SRGAP1: variants seen among roughly 807,000 people sequenced by gnomAD.
SRGAP1 encodes the protein SLIT-ROBO Rho GTPase activating protein 1, also known as SLIT-ROBO Rho GTPase-activating protein 1.
In SRGAP1, 43 loss-of-function variants were observed where a neutral mutation model predicts 121.9. The observed-to-expected ratio is 0.35, with a 90% confidence interval of 0.28 to 0.46. The LOEUF (loss-of-function observed/expected upper bound fraction) is 0.46, where lower values mean the gene tolerates loss of function less well. SRGAP1 is among the 20% of genes least tolerant of loss of function. The probability of loss-of-function intolerance (pLI) is 1.00; values close to 1 mark genes in which losing one functional copy is unlikely to be tolerated. For missense variants in SRGAP1, 1,102 were observed against 1,350.9 expected, an observed-to-expected ratio of 0.82 and a Z score of 2.89; for synonymous variants, 447 against 485.4, an observed-to-expected ratio of 0.92 and a Z score of 1.04.
intron 6 of SRGAP1, among the ~76,000 whole-genome samples, chr12:64,055,989 T>C (rs143875369): frequency 1.3e-5 from 2 of 152,310 alleles, no homozygotes; most frequent in East Asian, 3.9e-4. Flanking sequence ...ACAGGCATCT[T>C]GAACATGTAA....
intron 1 of SRGAP1, among the ~76,000 whole-genome samples, chr12:63,911,640 A>G (rs573520465): frequency 2.6e-4 from 39 of 152,342 alleles, no homozygotes; most frequent in Non-Finnish European, 4.4e-4. Flanking sequence ...CACGTTGCTA[A>G]TTCTGTAGTT....
intron 1 of SRGAP1, among the ~76,000 whole-genome samples, chr12:63,920,952 T>C (rs2031017342): frequency 6.6e-6 from 1 of 152,194 alleles, no homozygotes; most frequent in Non-Finnish European, 1.5e-5. Context: ...ACTTGACATG[T>C]CATCTGTTGA....
At chr12:63,923,113 TAAACTA>T (rs2031128347) in intron 1 of SRGAP1, among the ~76,000 whole-genome samples, 1 of 152,192 alleles carries the variant, frequency 6.6e-6, no homozygotes, top group Non-Finnish European at 1.5e-5. Flanking sequence ...GACCAATCCA[TAAACTA>T]AAATGCTAAT....
At chr12:63,859,316 T>C (rs67993208) in intron 1 of SRGAP1, among the ~76,000 whole-genome samples, 42,969 of 151,792 alleles carry the variant, frequency 0.28, 7,007 homozygotes, top group East Asian at 0.55. Flanking sequence ...TGCACCACCA[T>C]GCCTGGCTCC....
chr12:64,053,677 G>A (rs981281118), intron 6 of SRGAP1, among the ~76,000 whole-genome samples: 2 of 152,096 alleles, frequency 1.3e-5, no homozygotes, highest in African/African-American at 4.8e-5. Context: ...GAGAATAAAG[G>A]TATCATTGTA....
intron 4 of SRGAP1, among the ~76,000 whole-genome samples, chr12:64,028,091 G>A (rs1250207939): frequency 1.3e-5 from 2 of 152,182 alleles, no homozygotes; most frequent in Admixed American, 1.3e-4. Flanking sequence ...AATTTGGTGG[G>A]CTTTCATTAT....
chr12:63,864,221 T>C (rs1218084559), intron 1 of SRGAP1, among the ~76,000 whole-genome samples: 1 of 152,166 alleles, frequency 6.6e-6, no homozygotes, highest in Non-Finnish European at 1.5e-5. Flanking sequence ...TTCCAAGATT[T>C]CCTCCAGCAA....
rs1287367274 is a variant in SRGAP1, at chr12:63,953,185, T to G, written c.68-30762T>G. 2.0e-5 allele frequency among the ~76,000 whole-genome samples: 3 copies of G among 152,264 alleles called. No individual in the cohort carries two copies. The East Asian group carries it at 5.8e-4, about 29-fold the overall frequency. On this transcript the variant is annotated intron_variant, in intron 1 of 21. Transcript: ENST00000355086. ...CAGTGGCTTATTGTTAAGTGGCTGC[T>G]GATAGTGTGATAAGACAGTACTGGA...
intron 6 of SRGAP1, among the ~76,000 whole-genome samples, chr12:64,055,719 CTT>C (rs2035327570): frequency 6.6e-6 from 1 of 152,134 alleles, no homozygotes. Flanking sequence ...TTCCAGGAGT[CTT>C]TGCTTAAAGG....
intron 21 of SRGAP1, among the ~76,000 whole-genome samples, chr12:64,136,819 T>C (rs1349600669): frequency 6.6e-6 from 1 of 152,190 alleles, no homozygotes; most frequent in Non-Finnish European, 1.5e-5. Context: ...ATTTAATGAT[T>C]TGAGAAACTT....
intron 1 of SRGAP1, among the ~76,000 whole-genome samples, chr12:63,856,481 T>C (rs1422601603): frequency 6.6e-6 from 1 of 152,210 alleles, no homozygotes; most frequent in Non-Finnish European, 1.5e-5. Flanking sequence ...AAGTTTTTTA[T>C]TTTGTGTGAG....
At chr12:64,114,331 C>CTTTT (rs957049187) in intron 17 of SRGAP1, among the ~76,000 whole-genome samples, 14 of 89,248 alleles carry the variant, frequency 1.6e-4, no homozygotes, top group Non-Finnish European at 2.7e-4. Flanking sequence ...ATATGGTTAG[C>CTTTT]TTTTTTTTTT....
At chr12:63,875,969 T>G (rs545575904) in intron 1 of SRGAP1, among the ~76,000 whole-genome samples, 2 of 152,322 alleles carry the variant, frequency 1.3e-5, no homozygotes, top group African/African-American at 4.8e-5. Flanking sequence ...ATAACAATCA[T>G]GTTTATTGTA....
intron 1 of SRGAP1, among the ~76,000 whole-genome samples, chr12:63,936,115 T>C (rs1036177393): frequency 7.4e-6 from 1 of 134,502 alleles, no homozygotes; most frequent in South Asian, 2.1e-4. Context: ...ATAACAGTTA[T>C]TTTTTTAAAA....
At chr12:64,004,631 A>G (rs1279649240) in intron 3 of SRGAP1, among the ~76,000 whole-genome samples, 1 of 152,152 alleles carries the variant, frequency 6.6e-6, no homozygotes, top group Admixed American at 6.5e-5. Context: ...CGGCCTCCCA[A>G]AGTGCTGGGA....
intron 18 of SRGAP1, among the ~76,000 whole-genome samples, chr12:64,119,505 A>C (rs1196337833): frequency 6.6e-6 from 1 of 152,190 alleles, no homozygotes; most frequent in Admixed American, 6.5e-5. Flanking sequence ...ATTCCAGTCC[A>C]TGAACATATT....
chr12:63,912,562 T>C (rs1345986195), intron 1 of SRGAP1, among the ~76,000 whole-genome samples: 1 of 151,976 alleles, frequency 6.6e-6, no homozygotes, highest in Admixed American at 6.6e-5. Flanking sequence ...TGCAGTGAGC[T>C]ATGATTAAGC....
chr12:63,988,528 T>TC (rs950884142), intron 2 of SRGAP1, among the ~76,000 whole-genome samples: 32 of 152,314 alleles, frequency 2.1e-4, no homozygotes, highest in African/African-American at 7.7e-4. Flanking sequence ...AGGCCTTCTT[T>TC]CCCTATGCCC....
chr12:64,117,983 C>T (rs768468350), intron 18 of SRGAP1, among the ~76,000 whole-genome samples: 1 of 152,134 alleles, frequency 6.6e-6, no homozygotes, highest in Admixed American at 6.5e-5. Context: ...CCTATATTTT[C>T]TTTATCTATT....
Sources: allele counts gnomAD v4.1 joint callset (sites outside exome capture counted in the v4.1 genomes callset), GRCh38; gene constraint gnomAD v4.1.1; transcripts MANE v1.5; gene names NCBI Gene and HGNC (gene_info 2026-07-23, HGNC 2026-07-21).